Variants in DGKB observed in about 807,000 individuals in gnomAD.
The protein encoded by DGKB is diacylglycerol kinase beta.
A neutral mutation model predicts 114.3 loss-of-function variants in DGKB; 67 were observed. That is an observed-to-expected ratio of 0.59 (90% CI 0.48 to 0.72). The LOEUF is 0.72. DGKB is among the 30% of genes least tolerant of loss of function. DGKB has a pLI of 0.00. For synonymous variants in DGKB, 398 were observed against 323.1 expected (o/e 1.23, Z -2.49); for missense variants, 907 against 975.2 (o/e 0.93, Z 0.93).
At chr7:14,417,187 A>G (rs41415147) in intron 21 of DGKB, among the ~76,000 whole-genome samples, 6,888 of 152,126 alleles carry the variant, frequency 0.045, 271 homozygotes, top group East Asian at 0.22. Context: ...CCAAGATTAC[A>G]TTTCCTCTAA....
At chr7:14,743,278 T>A (rs1050186420) in intron 4 of DGKB, among the ~76,000 whole-genome samples, 1 of 152,208 alleles carries the variant, frequency 6.6e-6, no homozygotes, top group African/African-American at 2.4e-5. Flanking sequence ...AAGATTTTCA[T>A]GTGCCTTGTA....
At chr7:14,546,880 C>T (rs1794370535) in intron 20 of DGKB, among the ~76,000 whole-genome samples, 8 of 152,096 alleles carry the variant, frequency 5.3e-5, no homozygotes, top group Admixed American at 5.2e-4. Flanking sequence ...GGATTCTGGC[C>T]ATTTGAATCC....
chr7:14,502,431 C>A (rs1197446306), intron 20 of DGKB, among the ~76,000 whole-genome samples: 1 of 152,020 alleles, frequency 6.6e-6, no homozygotes, highest in East Asian at 1.9e-4. Flanking sequence ...TCTCCCCCTA[C>A]AAAATTGTGA....
intron 20 of DGKB, among the ~76,000 whole-genome samples, chr7:14,560,706 A>G (rs11975149): frequency 0.02 from 3,006 of 152,276 alleles, 78 homozygotes; most frequent in African/African-American, 0.068. Flanking sequence ...CCTGATTTCA[A>G]TCCTTTTAGA....
intron 21 of DGKB, among the ~76,000 whole-genome samples, chr7:14,369,367 G>A (rs1817240890): frequency 6.6e-6 from 1 of 152,140 alleles, no homozygotes; most frequent in Non-Finnish European, 1.5e-5. Context: ...TGTGAACAGT[G>A]CTGCAATAAA....
intron 23 of DGKB, among the ~76,000 whole-genome samples, chr7:14,313,981 C>A (rs1473868672): frequency 1.3e-5 from 2 of 152,178 alleles, no homozygotes; most frequent in Non-Finnish European, 2.9e-5. Context: ...ACCCCTGACC[C>A]CCGAGCAGTT....
chr7:14,282,957 C>T (rs1800224111), intron 23 of DGKB, among the ~76,000 whole-genome samples: 1 of 151,858 alleles, frequency 6.6e-6, no homozygotes, highest in African/African-American at 2.4e-5. Flanking sequence ...TGGCACAAGA[C>T]AGGGATGCCC....
At chr7:14,548,808 G>T (rs1400910463) in intron 20 of DGKB, among the ~76,000 whole-genome samples, 1 of 152,112 alleles carries the variant, frequency 6.6e-6, no homozygotes, top group East Asian at 1.9e-4. Context: ...GGTAATGAGA[G>T]TTCCAGATAC....
intron 20 of DGKB, among the ~76,000 whole-genome samples, chr7:14,497,894 T>A (rs948666624): frequency 1.1e-4 from 16 of 151,816 alleles, no homozygotes; most frequent in African/African-American, 3.9e-4. Context: ...TTCCTTTATA[T>A]AACCAAGTGA....
chr7:14,452,182 C>T (rs1017961738), intron 21 of DGKB, among the ~76,000 whole-genome samples: 3 of 151,906 alleles, frequency 2.0e-5, no homozygotes, highest in Admixed American at 2.0e-4. Context: ...GCTTAAATAT[C>T]TCAAGAGCAA....
chr7:14,451,359 G>T (rs1831454486), intron 21 of DGKB, among the ~76,000 whole-genome samples: 1 of 151,924 alleles, frequency 6.6e-6, no homozygotes, highest in South Asian at 2.1e-4. Flanking sequence ...CTGGGAGATT[G>T]GTTTTCTGCC....
At chr7:14,260,411 C>A (rs1447246109) in intron 23 of DGKB, among the ~76,000 whole-genome samples, 1 of 152,162 alleles carries the variant, frequency 6.6e-6, no homozygotes, top group Non-Finnish European at 1.5e-5. Context: ...TTTCCAGTTA[C>A]TATCTTGTGT....
intron 23 of DGKB, among the ~76,000 whole-genome samples, chr7:14,254,592 GT>G (rs1795695848): frequency 6.6e-6 from 1 of 151,822 alleles, no homozygotes; most frequent in African/African-American, 2.4e-5. Flanking sequence ...TTAAACTGTT[GT>G]AATATATATT....
intron 4 of DGKB, among the ~76,000 whole-genome samples, chr7:14,741,552 G>A (rs1305928262): frequency 6.6e-6 from 1 of 152,096 alleles, no homozygotes; most frequent in Non-Finnish European, 1.5e-5. Context: ...GATCAATCCT[G>A]GCTTAGGGAA....
intron 3 of DGKB, among the ~76,000 whole-genome samples, chr7:14,755,508 T>A (rs912512254): frequency 6.6e-6 from 1 of 152,178 alleles, no homozygotes; most frequent in Non-Finnish European, 1.5e-5. Flanking sequence ...TTGTCCATTT[T>A]TTCTTGTATA....
intron 17 of DGKB, among the ~76,000 whole-genome samples, chr7:14,596,503 G>A (rs1225963122): frequency 3.9e-5 from 6 of 152,116 alleles, no homozygotes. Context: ...GATATGCCTG[G>A]AAGTCATTTT....
At chr7:14,402,292 A>C (rs1224051011) in intron 21 of DGKB, among the ~76,000 whole-genome samples, 3 of 151,854 alleles carry the variant, frequency 2.0e-5, no homozygotes, top group Non-Finnish European at 4.4e-5. Flanking sequence ...GTTCCCTGCA[A>C]TTTCAAATTC....
chr7:14,218,726 C>A (rs1250369576), intron 23 of DGKB, among the ~76,000 whole-genome samples: 1 of 151,874 alleles, frequency 6.6e-6, no homozygotes, highest in Non-Finnish European at 1.5e-5. Flanking sequence ...ATTCCCGGGA[C>A]AGAGTTTTTT....
At position 14,695,142 on chromosome 7, in the gene DGKB, C is replaced by A. The variant is rs145236035; in HGVS notation, c.592-948G>T. Among the ~76,000 whole-genome samples the A allele has an allele frequency of 1.8e-3, 275 of 152,300 alleles. 1 individual carries two copies. The highest frequency in any genetic ancestry group is 6.3e-3 in the African/African-American group (260 of 41,564). On this transcript the variant is annotated intron_variant, in intron 8 of 25. Coordinates refer to ENST00000402815, the MANE Select transcript of DGKB (RefSeq NM_001350709.2). ...TTGGTAGAAGTATTGTCTGCCTAGA[C>A]ACTCTTGTGCTTGGTGTCTTCACTC...
Sources: allele counts gnomAD v4.1 joint callset (sites outside exome capture counted in the v4.1 genomes callset), GRCh38; gene constraint gnomAD v4.1.1; transcripts MANE v1.5; gene names NCBI Gene and HGNC (gene_info 2026-07-23, HGNC 2026-07-21).